Variants in NRCAM observed in about 807,000 individuals in gnomAD.
NRCAM encodes neuronal cell adhesion molecule.
Under a neutral mutation model 156.5 loss-of-function variants are expected in NRCAM, and 83 were observed. The observed-to-expected ratio is 0.53, with a 90% CI of 0.44 to 0.64. The LOEUF (loss-of-function observed/expected upper bound fraction) is 0.64, where lower values mean the gene tolerates loss of function less well. NRCAM is among the 30% of genes least tolerant of loss of function. NRCAM has a pLI of 0.00. For synonymous variants in NRCAM, 538 were observed against 563.9 expected, an observed-to-expected ratio of 0.95 and a Z score of 0.65; for missense variants, 1,417 against 1,597.3, an observed-to-expected ratio of 0.89 and a Z score of 1.92.
chr7:108,209,377 G>C (rs763551641), intron 12 of NRCAM, 44 bp downstream of exon 12: 3 of 1,302,238 alleles, frequency 2.3e-6, no homozygotes, highest in African/African-American at 1.5e-5. Flanking sequence ...TAAAGTTTCA[G>C]GGTCTCTCAT....
intron 11 of NRCAM, among the ~76,000 whole-genome samples, chr7:108,216,548 C>A (rs538712475): frequency 1.6e-4 from 25 of 152,328 alleles, no homozygotes; most frequent in African/African-American, 6.0e-4. Context: ...TTCAGGTACA[C>A]CAATCAAACG....
In NRCAM at chr7:108,178,417, A is replaced by G. The variant is rs565205106; in HGVS notation, c.2852-305T>C. 4 of 416,692 alleles carry G rather than the reference A, an allele frequency of 9.6e-6. No individual in the cohort carries two copies. The East Asian group carries it at 2.7e-4, about 28-fold the overall frequency. 25.8% of individuals were successfully genotyped at this position (416,692 alleles called of 1,614,324 possible). A position where few individuals can be genotyped will look rare whatever the true frequency, so the allele number is the denominator to read the frequency against. The stretch of plus-strand genomic sequence containing the variant: ...GAGGCAGTACTTGTTTGACGCATGA[A>G]TGGTGTCTTAATAGAAGCAAACTAG... On this transcript the variant is annotated intron_variant, in intron 25 of 32. Transcript: ENST00000379028.
chr7:108,234,490 C>T (rs2094696354), intron 6 of NRCAM, 93 bp downstream of exon 6: 2 of 809,650 alleles, frequency 2.5e-6, no homozygotes, highest in Non-Finnish European at 4.2e-6. Context: ...CATAGTCTGC[C>T]TTGTTTGATG....
intron 2 of NRCAM, among the ~76,000 whole-genome samples, chr7:108,331,881 G>A (rs545813995): frequency 1.1e-4 from 17 of 152,322 alleles, no homozygotes; most frequent in South Asian, 2.1e-4. Context: ...GCACAGAAAT[G>A]ATGGATGCTT....
At chr7:108,280,521 G>A (rs1383426070) in intron 3 of NRCAM, among the ~76,000 whole-genome samples, 1 of 152,130 alleles carries the variant, frequency 6.6e-6, no homozygotes, top group African/African-American at 2.4e-5. Flanking sequence ...ACCTCCCACT[G>A]GACAGCAATG....
chr7:108,225,412 GCAAA>G (rs1562823575), intron 10 of NRCAM, among the ~76,000 whole-genome samples: 2 of 152,218 alleles, frequency 1.3e-5, no homozygotes, highest in East Asian at 1.9e-4. Context: ...TTCTTTACAC[GCAAA>G]CAGTTACAAC....
At chr7:108,394,351 G>A (rs1450655334) in intron 2 of NRCAM, among the ~76,000 whole-genome samples, 2 of 152,188 alleles carry the variant, frequency 1.3e-5, no homozygotes, top group Non-Finnish European at 1.5e-5. Context: ...ATGCGGCCCT[G>A]TGAACCTGTT....
intron 3 of NRCAM, among the ~76,000 whole-genome samples, chr7:108,269,991 T>G (rs2097281194): frequency 1.3e-5 from 2 of 152,236 alleles, no homozygotes; most frequent in Non-Finnish European, 2.9e-5. Context: ...AAAGAAACAT[T>G]GCTTCTTTCC....
intron 2 of NRCAM, among the ~76,000 whole-genome samples, chr7:108,374,045 ATT>A (rs1273404677): frequency 6.6e-6 from 1 of 152,148 alleles, no homozygotes; most frequent in Non-Finnish European, 1.5e-5. Context: ...TCATATAGCC[ATT>A]TTCAGGCAAA....
chr7:108,182,001 G>A, intron 23 of NRCAM, 64 bp from the exon 24 acceptor site: 1 of 1,243,144 alleles, frequency 8.0e-7, no homozygotes, highest in East Asian at 2.4e-5. Context: ...CCATAAATAT[G>A]ACTCTCTCTA....
chr7:108,376,539 G>A (rs568617169), intron 2 of NRCAM, among the ~76,000 whole-genome samples: 4 of 152,246 alleles, frequency 2.6e-5, no homozygotes, highest in Non-Finnish European at 5.9e-5. Context: ...GGTTACAGCA[G>A]AGGTTCCTGT....
chr7:108,183,622 C>T (rs97904), intron 22 of NRCAM, among the ~76,000 whole-genome samples: 102,464 of 150,974 alleles, frequency 0.68, 36,844 homozygotes, highest in East Asian at 0.96. Context: ...CTGCAACCTC[C>T]GCCTCCTGGG....
At chr7:108,189,007 C>T (rs1341159636) in intron 20 of NRCAM, among the ~76,000 whole-genome samples, 1 of 151,368 alleles carries the variant, frequency 6.6e-6, no homozygotes, top group Non-Finnish European at 1.5e-5. Flanking sequence ...AACTTCGAAG[C>T]TTACCTATAG....
In NRCAM at chr7:108,324,877, C is replaced by CATTTTTTTTTTTTTTTTTTTTTTT. The variant is rs201240389; in HGVS notation, c.-173-12147_-173-12146insAAAAAAAAAAAAAAAAAAAAAAAT. 1.2e-4 allele frequency among the ~76,000 whole-genome samples: 10 copies of CATTTTTTTTTTTTTTTTTTTTTTT among 82,676 alleles called. 1 individual carries two copies. Among genetic ancestry groups the CATTTTTTTTTTTTTTTTTTTTTTT allele is most frequent in the African/African-American group, 1.0e-4 (2 of 19,532 alleles). The allele number at this position is 82,676 out of a possible 152,430, so 54.2% of individuals were successfully genotyped here. The stretch of plus-strand genomic sequence containing the variant: ...TGTTTGTGTAATATTTGGCACTGTA[C>CATTTTTTTTTTTTTTTTTTTTTTT]TTTTTTTTTTTTTTTTTTTTTTTTT... On this transcript the variant is annotated intron_variant, in intron 2 of 32. Transcript: ENST00000379028.
At chr7:108,199,018 C>G (rs935886166) in intron 13 of NRCAM, among the ~76,000 whole-genome samples, 1 of 152,224 alleles carries the variant, frequency 6.6e-6, no homozygotes, top group East Asian at 1.9e-4. Flanking sequence ...GCTTATATTG[C>G]TTTAGAAGTA....
intron 20 of NRCAM, 32 bp from the exon 21 acceptor site, chr7:108,184,646 A>G (rs1466558528): frequency 6.3e-7 from 1 of 1,592,198 alleles, no homozygotes; most frequent in Non-Finnish European, 8.6e-7. Flanking sequence ...CAAACCCAAG[A>G]CCGTGAATTC....
intron 3 of NRCAM, among the ~76,000 whole-genome samples, chr7:108,280,923 C>T (rs1224941621): frequency 1.3e-5 from 2 of 152,096 alleles, no homozygotes; most frequent in South Asian, 4.1e-4. Flanking sequence ...TCTTAAAAGT[C>T]AGGAAGGTAT....
intron 13 of NRCAM, among the ~76,000 whole-genome samples, chr7:108,204,061 C>A (rs1259414646): frequency 6.6e-6 from 1 of 152,178 alleles, no homozygotes; most frequent in Non-Finnish European, 1.5e-5. Context: ...CACAAGTCAG[C>A]AAACTCCAGA....
chr7:108,328,756 T>C (rs1308459660), intron 2 of NRCAM: 4 of 152,244 alleles, frequency 2.6e-5, no homozygotes, highest in African/African-American at 7.2e-5. Flanking sequence ...GATTTGGTAA[T>C]CTTGTTTCAA....
Sources: gnomAD v4.1 joint callset for allele counts (sites outside exome capture counted in the v4.1 genomes callset) on GRCh38, gnomAD v4.1.1 for gene constraint, MANE v1.5 for transcripts, NCBI Gene and HGNC (gene_info 2026-07-23, HGNC 2026-07-21) for gene names.